UNC80: variants seen among roughly 807,000 people sequenced by gnomAD.
UNC80 encodes the protein unc-80 subunit of NALCN channel complex, also known as protein unc-80 homolog.
In UNC80, 164 loss-of-function variants were observed where a neutral mutation model predicts 384.6. The ratio of observed to expected loss-of-function variants is 0.43; its 90% CI spans 0.38 to 0.49. The LOEUF (loss-of-function observed/expected upper bound fraction) is 0.49. Among genes scored for constraint, UNC80 ranks in the 20% least tolerant of loss-of-function variants. The pLI is 0.00. For synonymous variants in UNC80, 1,486 were observed against 1,527.8 expected, an observed-to-expected ratio of 0.97 and a Z score of 0.64; for missense variants, 3,330 against 4,143.0, an observed-to-expected ratio of 0.80 and a Z score of 5.39.
intron 51 of UNC80, among the ~76,000 whole-genome samples, chr2:209,966,762 A>G (rs2092753265): frequency 6.6e-6 from 1 of 152,230 alleles, no homozygotes; most frequent in Non-Finnish European, 1.5e-5. Flanking sequence ...TCTAAGAAGT[A>G]GAGGCGACCA....
At chr2:209,804,938 C>G (rs2078798296) in intron 7 of UNC80, among the ~76,000 whole-genome samples, 1 of 152,016 alleles carries the variant, frequency 6.6e-6, no homozygotes, top group South Asian at 2.1e-4. Context: ...CAACTCCCAC[C>G]CTTGGCTTCA....
Position 209,954,026 on chromosome 2 carries a change from A to G in UNC80, c.7287-74A>G, listed in dbSNP as rs568695439. On this transcript the variant is annotated intron_variant, in intron 47 of 64. Coordinates refer to ENST00000673920, the MANE Select transcript of UNC80 (RefSeq NM_001371986.1). ...ATCTCTAGATGCTTTTCATTGTTCT[A>G]TGCTCTTAAGTGTGACACAACCAAC... The G allele has an allele frequency of 3.7e-5, 53 of 1,450,806 alleles. 1 individual carries two copies. The highest frequency in any genetic ancestry group is 2.7e-4 in the African/African-American group (19 of 70,138). The allele number at this position is 1,450,806 out of a possible 1,614,324, so 89.9% of individuals were successfully genotyped here.
intron 19 of UNC80, 138 bp from the exon 20 acceptor site, chr2:209,840,404 T>A: frequency 1.4e-6 from 1 of 704,274 alleles, no homozygotes; most frequent in South Asian, 1.9e-5. Flanking sequence ...TCAAAGCATG[T>A]ACATTGAAAA....
chr2:209,805,617 T>C (rs1319293328), intron 7 of UNC80, among the ~76,000 whole-genome samples: 1 of 152,198 alleles, frequency 6.6e-6, no homozygotes, highest in East Asian at 1.9e-4. Context: ...TGTCTCTCCA[T>C]AGGGCTGCTC....
intron 21 of UNC80, among the ~76,000 whole-genome samples, chr2:209,848,068 A>G (rs2082284085): frequency 6.6e-6 from 1 of 152,070 alleles, no homozygotes; most frequent in South Asian, 2.1e-4. Flanking sequence ...ATAAAGTGAC[A>G]TATAGTTATA....
chr2:209,839,125 G>C lies in UNC80; in HGVS notation c.3042-97G>C. 8.9e-7 allele frequency: 1 copy of C among 1,125,878 alleles called. No individual in the cohort carries two copies. Among genetic ancestry groups the C allele is most frequent in the Non-Finnish European group, 1.3e-6 (1 of 791,704 alleles). The allele number at this position is 1,125,878 out of a possible 1,614,324, so 69.7% of individuals were successfully genotyped here. ...CAGCCCATCAAAGATCATTTTGCAT[G>C]ATTTGCCTAAATATCATTGACAGGA... On this transcript the variant is annotated intron_variant, in intron 18 of 64. Coordinates refer to ENST00000673920, the MANE Select transcript of UNC80 (RefSeq NM_001371986.1). This position sits in a 1 kb window ranked among gnomAD's most constrained non-coding sequence, Gnocchi z 4.1.
chr2:209,850,765 T>C (rs2082473465), intron 22 of UNC80, among the ~76,000 whole-genome samples: 1 of 152,126 alleles, frequency 6.6e-6, no homozygotes, highest in Non-Finnish European at 1.5e-5. Flanking sequence ...CCATGGTGAC[T>C]GTAAAATGTA....
chr2:209,939,594 G>A lies in UNC80; in HGVS notation c.6588G>A (p.Leu2196=). The A allele has an allele frequency of 6.4e-7, 1 of 1,551,720 alleles. No individual in the cohort carries two copies. The change falls in exon 43 of 65, where the codon CTG becomes CTA. Residue 2196 remains leucine, a synonymous_variant. Transcript: ENST00000673920. ...VSMLQEDLLR[L]PSFPRSAIDA... is the part of the protein sequence containing the mutation. The stretch of plus-strand genomic sequence containing the variant: ...TGCTTCAGGAAGACCTCCTCCGCCT[G>A]CCCTCATTCCCTCGTAGTGCTATTG...
At chr2:209,837,567 AC>A (rs2081409051) in intron 18 of UNC80, among the ~76,000 whole-genome samples, 2 of 152,122 alleles carry the variant, frequency 1.3e-5, no homozygotes, top group Admixed American at 6.5e-5. Flanking sequence ...TTTGATTGTT[AC>A]CTTTTCACTT....
chr2:209,982,385 C>A, intron 60 of UNC80, 68 bp downstream of exon 60: 1 of 1,445,256 alleles, frequency 6.9e-7, no homozygotes, highest in Non-Finnish European at 9.2e-7. Context: ...AAATACACTC[C>A]TGTTATTCTA....
chr2:209,776,293 T>C (rs1180785779), intron 3 of UNC80, among the ~76,000 whole-genome samples: 1 of 152,330 alleles, frequency 6.6e-6, no homozygotes, highest in East Asian at 1.9e-4. Context: ...CTTTTAACAT[T>C]AAGATAGGCT....
intron 26 of UNC80, among the ~76,000 whole-genome samples, chr2:209,890,036 C>T (rs2086186083): frequency 6.6e-6 from 1 of 152,026 alleles, no homozygotes; most frequent in South Asian, 2.1e-4. Flanking sequence ...ACATTCAGAC[C>T]TAATTAGAAG....
At chr2:209,942,473 T>G (rs932196852) in intron 44 of UNC80, among the ~76,000 whole-genome samples, 1 of 152,214 alleles carries the variant, frequency 6.6e-6, no homozygotes, top group Non-Finnish European at 1.5e-5. Flanking sequence ...CAGGAACAAT[T>G]TTTATTTACT....
chr2:209,849,409 T>G (rs1334544638), intron 21 of UNC80, 42 bp from the exon 22 acceptor site: 3 of 1,541,820 alleles, frequency 1.9e-6, no homozygotes, highest in Admixed American at 2.0e-5. Flanking sequence ...ATCCTTTACG[T>G]TCTCTCTCTT....
rs780164607 is a variant in UNC80 at position 209,786,087 on chromosome 2, C to T, written c.622C>T (p.Leu208=). ...CTAGGAATCTGACCTCACCTTCCGT[C>T]TGGCCAGTGGGCTTGTTATATGGCA... ...RIKESDLTFR[L]ASGLVIWQPM... is the part of the protein sequence containing the mutation. Residue 208 remains leucine (L), a synonymous_variant, in exon 5 of 65, where the codon CTG becomes TTG. Coordinates refer to ENST00000673920, the MANE Select transcript of UNC80 (RefSeq NM_001371986.1). The T allele has an allele frequency of 1.9e-6, 3 of 1,613,966 alleles. No homozygotes were observed. The highest frequency in any genetic ancestry group is 2.2e-5 in the South Asian group (2 of 91,022).
chr2:209,929,358 G>A (rs1016908630), intron 36 of UNC80, among the ~76,000 whole-genome samples: 6 of 151,880 alleles, frequency 4.0e-5, no homozygotes, highest in Admixed American at 1.3e-4. Flanking sequence ...AGACTTCTTC[G>A]TTAGAAGTGA....
chr2:209,811,813 A>G (rs1052553220), intron 7 of UNC80, among the ~76,000 whole-genome samples: 8 of 152,202 alleles, frequency 5.3e-5, no homozygotes, highest in Non-Finnish European at 1.2e-4. Context: ...AGACAATGCT[A>G]TTAACAAGAG....
chr2:209,870,223 A>G (rs1037089094), intron 22 of UNC80, among the ~76,000 whole-genome samples: 2 of 152,118 alleles, frequency 1.3e-5, no homozygotes, highest in African/African-American at 4.8e-5. Context: ...TTGAATCCAC[A>G]TTGCTTTATA....
In UNC80 at chr2:209,772,219, GGCCGCCCGGGTCGCCGCTGCC is replaced by G. The variant is rs2076614007; in HGVS notation, c.92+62_92+82del. On this transcript the variant is annotated intron_variant, in intron 1 of 64. Coordinates refer to ENST00000673920, the MANE Select transcript of UNC80 (RefSeq NM_001371986.1). ...CGCCCTGGGCTGGGGGCGCTCCTGGGGCCGCCCGGGTCGCCGCTGCCGCCGCCGCCGCTGAGGCCGCGCCAC... is the reference window on the plus strand; with the variant it reads ...CGCCCTGGGCTGGGGGCGCTCCTGGGGCCGCCGCCGCTGAGGCCGCGCCAC... 18 of 1,132,396 alleles carry G rather than the reference GGCCGCCCGGGTCGCCGCTGCC, an allele frequency of 1.6e-5. 3 individuals carry two copies. In the South Asian group the frequency reaches 6.2e-4, roughly 39 times the overall value. 70.1% of individuals were successfully genotyped at this position (1,132,396 alleles called of 1,614,324 possible). A position where few individuals can be genotyped will look rare whatever the true frequency, so the allele number is the denominator to read the frequency against.
Sources: allele counts gnomAD v4.1 joint callset (sites outside exome capture counted in the v4.1 genomes callset), GRCh38; gene constraint gnomAD v4.1.1; non-coding constraint Gnocchi (gnomAD v3.1); transcripts MANE v1.5; gene names NCBI Gene and HGNC (gene_info 2026-07-23, HGNC 2026-07-21).